Variants in KHDC1 observed in about 807,000 individuals in gnomAD.
The protein encoded by KHDC1 is KH homology domain-containing protein 1.
In KHDC1, 21 loss-of-function variants were observed where a neutral mutation model predicts 24.7. The observed-to-expected ratio is 0.85, with a 90% CI of 0.60 to 1.23. KHDC1 has a LOEUF of 1.23. KHDC1 is among the 50% of genes most tolerant of loss of function. The pLI is 0.00. For synonymous variants in KHDC1, 98 were observed against 111.7 expected (o/e 0.88, Z 0.77); for missense variants, 274 against 298.5 (o/e 0.92, Z 0.61).
At chr6:73,254,926 C>T (rs896734309) in intron 2 of KHDC1, among the ~76,000 whole-genome samples, 9 of 151,402 alleles carry the variant, frequency 5.9e-5, no homozygotes, top group Non-Finnish European at 2.9e-5. Flanking sequence ...GGCGTGGCCC[C>T]GGGAGGCAGA....
chr6:73,278,105 G>A lies in KHDC1; in HGVS notation c.206+13893C>T, dbSNP rs531456892. 1.7e-4 allele frequency among the ~76,000 whole-genome samples: 25 copies of A among 144,074 alleles called. No individual in the cohort carries two copies. In the South Asian group the frequency reaches 1.9e-3, roughly 11 times the overall value. The allele number at this position is 144,074 out of a possible 152,430, so 94.5% of individuals were successfully genotyped here. A position where few individuals can be genotyped will look rare whatever the true frequency, so the allele number is the denominator to read the frequency against. ...CAGCTCACTGCGACCTCCGCCTCCC[G>A]GGTTCAAGCGATTCTCCTGCCTTAG... On this transcript the variant is annotated intron_variant, in intron 2 of 4. Coordinates refer to ENST00000370384, the Ensembl canonical transcript of KHDC1.
At chr6:73,245,937 G>T (rs1766656517) in intron 2 of KHDC1, among the ~76,000 whole-genome samples, 1 of 152,160 alleles carries the variant, frequency 6.6e-6, no homozygotes, top group South Asian at 2.1e-4. Context: ...CAACTGCTTT[G>T]GTTAATGCTA....
chr6:73,299,554 C>G (rs981942213), intron 1 of KHDC1: 6 of 152,444 alleles, frequency 3.9e-5, no homozygotes, highest in African/African-American at 1.4e-4. Flanking sequence ...AGCCGCCCCT[C>G]TGGGCCGCGT....
chr6:73,260,260 G>A (rs1714735523), intron 2 of KHDC1, among the ~76,000 whole-genome samples: 1 of 152,098 alleles, frequency 6.6e-6, no homozygotes, highest in Non-Finnish European at 1.5e-5. Context: ...CTATCAAGAT[G>A]TAAAAAAAAT....
intron 2 of KHDC1, among the ~76,000 whole-genome samples, chr6:73,270,930 T>G (rs1456852785): frequency 6.6e-6 from 1 of 152,016 alleles, no homozygotes; most frequent in Non-Finnish European, 1.5e-5. Flanking sequence ...GACCTCATGA[T>G]CCACCCACAT....
chr6:73,279,321 T>C (rs1767360116), intron 2 of KHDC1, among the ~76,000 whole-genome samples: 1 of 152,012 alleles, frequency 6.6e-6, no homozygotes, highest in East Asian at 1.9e-4. Flanking sequence ...GGCAGGAGAA[T>C]TGCTTGAACC....
intron 2 of KHDC1, among the ~76,000 whole-genome samples, chr6:73,278,411 A>G (rs1767342751): frequency 6.6e-6 from 1 of 150,958 alleles, no homozygotes; most frequent in Non-Finnish European, 1.5e-5. Context: ...ATTTTTAGAG[A>G]CAGGGTCTCG....
chr6:73,271,434 C>T (rs929593081), intron 2 of KHDC1, among the ~76,000 whole-genome samples: 3 of 150,980 alleles, frequency 2.0e-5, no homozygotes, highest in Non-Finnish European at 2.9e-5. Context: ...GTCTTGAACT[C>T]CTGACCTCGT....
chr6:73,293,661 A>G (rs12207480), intron 1 of KHDC1, among the ~76,000 whole-genome samples: 1 of 151,996 alleles, frequency 6.6e-6, no homozygotes, highest in African/African-American at 2.4e-5. Context: ...AATTACAGCT[A>G]CTTGGGAGGC....
intron 1 of KHDC1, among the ~76,000 whole-genome samples, chr6:73,305,700 C>A (rs769382749): frequency 6.6e-6 from 1 of 152,116 alleles, no homozygotes. Context: ...CACTCTGTCA[C>A]CCAGGCTGGA....
At chr6:73,267,448 A>C (rs1298561834) in intron 2 of KHDC1, among the ~76,000 whole-genome samples, 4 of 152,168 alleles carry the variant, frequency 2.6e-5, no homozygotes, top group Admixed American at 6.6e-5. Flanking sequence ...ACGCCACTGC[A>C]CTCCAGACTG....
chr6:73,262,825 G>A (rs1448934243), intron 2 of KHDC1: 1 of 985,496 alleles, frequency 1.0e-6, no homozygotes, highest in African/African-American at 1.7e-5. Flanking sequence ...AACCAATGAG[G>A]AAATTATCCC....
intron 2 of KHDC1, 39 bp from the exon 2 acceptor site, chr6:73,242,569 CA>C (rs1430306698): frequency 9.3e-6 from 15 of 1,613,140 alleles, no homozygotes; most frequent in Non-Finnish European, 1.2e-5. Flanking sequence ...AACTGGTTGG[CA>C]AAAGACTTGG....
At chr6:73,260,439 C>T (rs1766959905) in intron 2 of KHDC1, among the ~76,000 whole-genome samples, 1 of 152,034 alleles carries the variant, frequency 6.6e-6, no homozygotes, top group Non-Finnish European at 1.5e-5. Flanking sequence ...AAACTATTAC[C>T]ATAGTTTATT....
intron 2 of KHDC1, among the ~76,000 whole-genome samples, chr6:73,252,748 C>T (rs1359455090): frequency 6.6e-6 from 1 of 151,246 alleles, no homozygotes; most frequent in Non-Finnish European, 1.5e-5. Context: ...GTCTGGTAAA[C>T]GAAGGTTGCA....
chr6:73,281,123 C>T (rs1300759769), intron 2 of KHDC1, among the ~76,000 whole-genome samples: 1 of 152,048 alleles, frequency 6.6e-6, no homozygotes, highest in Non-Finnish European at 1.5e-5. Context: ...GCAGGCGGAT[C>T]ACCTGAGATC....
chr6:73,251,143 T>G (rs1766771320), intron 2 of KHDC1, among the ~76,000 whole-genome samples: 1 of 152,164 alleles, frequency 6.6e-6, no homozygotes, highest in African/African-American at 2.4e-5. Context: ...AAATAATTTA[T>G]AATCAAAATG....
intron 2 of KHDC1, among the ~76,000 whole-genome samples, chr6:73,250,079 T>C (rs1766751539): frequency 6.6e-6 from 1 of 152,244 alleles, no homozygotes; most frequent in Admixed American, 6.5e-5. Flanking sequence ...TCATTTAGCA[T>C]GGCTTCTCAT....
At chr6:73,258,063 C>A (rs1193710695) in intron 2 of KHDC1, among the ~76,000 whole-genome samples, 4 of 152,164 alleles carry the variant, frequency 2.6e-5, no homozygotes, top group Non-Finnish European at 5.9e-5. Context: ...CGAGACCAGC[C>A]TGGCCAACAT....
Sources: gnomAD v4.1 joint callset for allele counts (sites outside exome capture counted in the v4.1 genomes callset) on GRCh38, gnomAD v4.1.1 for gene constraint, MANE v1.5 for transcripts, NCBI Gene and HGNC (gene_info 2026-07-23, HGNC 2026-07-21) for gene names.